The following CUBN variants were observed in gnomAD, a reference collection of about 807,000 sequenced individuals.
CUBN encodes cubilin, also known as 460 kDa receptor.
In CUBN, 282 loss-of-function variants were observed where a neutral mutation model predicts 405.3. The ratio of observed to expected loss-of-function variants is 0.70; its 90% CI spans 0.63 to 0.77. The LOEUF is 0.77. Ranked by LOEUF, CUBN falls within the 30% of genes least tolerant of loss-of-function variation. The pLI, the probability that CUBN is intolerant of heterozygous loss-of-function variation, is 0.00. For synonymous variants in CUBN, 1,684 were observed against 1,617.0 expected, an observed-to-expected ratio of 1.04 and a Z score of -0.99; for missense variants, 4,514 against 4,475.2, an observed-to-expected ratio of 1.01 and a Z score of -0.25.
chr10:16,941,167 AT>A (rs1842641427), intron 36 of CUBN, among the ~76,000 whole-genome samples: 1 of 152,210 alleles, frequency 6.6e-6, no homozygotes, highest in Non-Finnish European at 1.5e-5. Context: ...AGACAAATGG[AT>A]GAATGGAATA....
intron 28 of CUBN, among the ~76,000 whole-genome samples, chr10:16,997,296 G>A (rs1411852350): frequency 7.9e-5 from 12 of 152,138 alleles, no homozygotes; most frequent in African/African-American, 2.6e-4. Flanking sequence ...TTAGCTGGGC[G>A]TGGTGGCAGG....
In CUBN at chr10:17,019,939, GTCTACTCCACAGTA is replaced by G. The variant is rs1564482056; in HGVS notation, c.4048_4061del (p.Tyr1350ProfsTer25). On this transcript the variant is annotated frameshift_variant, in exon 28 of 67. Transcript: ENST00000377833. LOFTEE classifies it high-confidence loss of function. ...TTGTAGTACTCCCTGGAGGGGGCAGGTCTACTCCACAGTAGCGTCCCATCTGCCGTGGTCCATCA... is the reference window on the plus strand; with the variant it reads ...TTGTAGTACTCCCTGGAGGGGGCAGGGCGTCCCATCTGCCGTGGTCCATCA... The G allele has an allele frequency of 1.1e-5, 18 of 1,614,026 alleles. No homozygotes were observed. The highest frequency in any genetic ancestry group is 1.4e-5 in the Non-Finnish European group (17 of 1,179,994).
At chr10:17,004,361 C>A (rs1379788587) in intron 28 of CUBN, among the ~76,000 whole-genome samples, 1 of 152,206 alleles carries the variant, frequency 6.6e-6, no homozygotes, top group Non-Finnish European at 1.5e-5. Flanking sequence ...TCCAAATTCA[C>A]CAACATGTAG....
At position 16,841,086 on chromosome 10, in the gene CUBN, C is replaced by T. The variant is rs1457904516; in HGVS notation, c.9664-39G>A. ...CAATTCATTACTTCTCCATTACTTA[C>T]AAAAAATTGCATATTTCACACTAAA... On this transcript the variant is annotated intron_variant, in intron 60 of 66. Coordinates refer to ENST00000377833, the MANE Select transcript of CUBN (RefSeq NM_001081.4). 6 of 1,594,562 alleles carry T rather than the reference C, an allele frequency of 3.8e-6. No individual in the cohort carries two copies. In the Admixed American group the frequency reaches 8.4e-5, roughly 22 times the overall value.
intron 43 of CUBN, among the ~76,000 whole-genome samples, chr10:16,922,289 C>T (rs1021258675): frequency 6.6e-6 from 1 of 152,142 alleles, no homozygotes; most frequent in Non-Finnish European, 1.5e-5. Flanking sequence ...TCCTGCCTCA[C>T]ATCCAACTGA....
chr10:17,013,657 C>A (rs371343897), intron 28 of CUBN, among the ~76,000 whole-genome samples: 1 of 152,198 alleles, frequency 6.6e-6, no homozygotes, highest in Admixed American at 6.5e-5. Context: ...TATTGCAGCA[C>A]GGGCATGTAG....
intron 56 of CUBN, among the ~76,000 whole-genome samples, chr10:16,884,593 G>A (rs1840758672): frequency 6.6e-6 from 1 of 152,156 alleles, no homozygotes; most frequent in Non-Finnish European, 1.5e-5. Context: ...GAAAGTTAGA[G>A]AAATTTAGAC....
At chr10:17,019,403 G>C (rs1452741575) in intron 28 of CUBN, among the ~76,000 whole-genome samples, 1 of 151,900 alleles carries the variant, frequency 6.6e-6, no homozygotes, top group Non-Finnish European at 1.5e-5. Context: ...ATCCCTGTCT[G>C]ACTTTCATTC....
At chr10:17,096,554 T>C (rs1836378983) in intron 14 of CUBN, among the ~76,000 whole-genome samples, 2 of 152,032 alleles carry the variant, frequency 1.3e-5, no homozygotes, top group African/African-American at 2.4e-5. Context: ...AGAATCATAG[T>C]TTGAGATTTT....
At chr10:16,890,593 G>C (rs917196896) in intron 54 of CUBN, 66 bp from the exon 55 acceptor site, 3 of 1,549,480 alleles carry the variant, frequency 1.9e-6, no homozygotes, top group Non-Finnish European at 1.8e-6. Flanking sequence ...ATGCACTTAG[G>C]TTTCAAAATA....
At chr10:16,908,580 G>T (rs1172656737) in intron 48 of CUBN, among the ~76,000 whole-genome samples, 2 of 151,980 alleles carry the variant, frequency 1.3e-5, no homozygotes, top group African/African-American at 4.8e-5. Flanking sequence ...TCCAATAATG[G>T]ATTATTATTG....
At chr10:16,893,448 C>T (rs1317884821) in intron 54 of CUBN, among the ~76,000 whole-genome samples, 1 of 151,940 alleles carries the variant, frequency 6.6e-6, no homozygotes, top group East Asian at 1.9e-4. Flanking sequence ...AAGTTGTACA[C>T]AATTGCATTC....
chr10:16,940,759 T>C (rs1026349771), intron 36 of CUBN, among the ~76,000 whole-genome samples: 13 of 152,110 alleles, frequency 8.5e-5, no homozygotes, highest in African/African-American at 3.1e-4. Context: ...AAACACTGAG[T>C]ACCTCTAAGA....
At chr10:17,011,934 C>T (rs1266524005) in intron 28 of CUBN, among the ~76,000 whole-genome samples, 1 of 152,136 alleles carries the variant, frequency 6.6e-6, no homozygotes, top group African/African-American at 2.4e-5. Context: ...ACCTCTTAAT[C>T]CCCCCTCTAA....
At chr10:17,127,431 ATTTTTTTTTTT>A (rs71268608) in intron 3 of CUBN, among the ~76,000 whole-genome samples, 1 of 85,924 alleles carries the variant, frequency 1.2e-5, no homozygotes, top group Admixed American at 1.5e-4. Flanking sequence ...ATGCCCAGCT[ATTTTTTTTTTT>A]TTTTTTTTTT....
At chr10:16,935,720 A>C (rs11254283) in intron 39 of CUBN, among the ~76,000 whole-genome samples, 3,125 of 151,922 alleles carry the variant, frequency 0.021, 126 homozygotes, top group East Asian at 0.17. Flanking sequence ...TGTACTAAAA[A>C]TACAAAAAAA....
chr10:17,058,068 G>C (rs930773265), intron 22 of CUBN, among the ~76,000 whole-genome samples: 2 of 152,030 alleles, frequency 1.3e-5, no homozygotes, highest in South Asian at 2.1e-4. Context: ...GTAGCAGTGA[G>C]CTGAGATCGC....
At chr10:17,055,439 A>G (rs73600118) in intron 22 of CUBN, among the ~76,000 whole-genome samples, 7,442 of 152,128 alleles carry the variant, frequency 0.049, 625 homozygotes, top group African/African-American at 0.17. Flanking sequence ...ATACACAGAG[A>G]AAGAGGGACA....
At chr10:17,009,870 CT>C (rs1379531543) in intron 28 of CUBN, among the ~76,000 whole-genome samples, 2 of 152,192 alleles carry the variant, frequency 1.3e-5, no homozygotes, top group Non-Finnish European at 2.9e-5. Context: ...TTAGATCTTG[CT>C]ATTATCCTAC....
Sources: gnomAD v4.1 joint callset for allele counts (sites outside exome capture counted in the v4.1 genomes callset) on GRCh38, gnomAD v4.1.1 for gene constraint, MANE v1.5 for transcripts, NCBI Gene and HGNC (gene_info 2026-07-23, HGNC 2026-07-21) for gene names.